Variants in CPNE4 observed in about 807,000 individuals in gnomAD.
CPNE4 encodes copine 4.
In CPNE4, 25 loss-of-function variants were observed where a neutral mutation model predicts 67.9. The observed-to-expected ratio is 0.37, with a 90% CI of 0.27 to 0.51. CPNE4 has a LOEUF of 0.51. CPNE4 is among the 20% of genes least tolerant of loss of function. The pLI, the probability that CPNE4 is intolerant of heterozygous loss-of-function variation, is 0.93. For synonymous variants in CPNE4, 242 were observed against 244.9 expected (o/e 0.99, Z 0.11); for missense variants, 464 against 690.8 (o/e 0.67, Z 3.68).
chr3:132,026,683 T>C (rs1013167173), intron 1 of CPNE4, among the ~76,000 whole-genome samples: 5 of 152,218 alleles, frequency 3.3e-5, no homozygotes, highest in Admixed American at 6.5e-5. Flanking sequence ...AAATGCATAT[T>C]ATCTGAAATA....
At chr3:131,820,081 A>G (rs1362240758) in intron 2 of CPNE4, among the ~76,000 whole-genome samples, 1 of 152,212 alleles carries the variant, frequency 6.6e-6, no homozygotes, top group East Asian at 1.9e-4. Context: ...TGGGAAAAAT[A>G]TTAGGTCTAT....
At chr3:132,033,738 C>T (rs749443000) in intron 1 of CPNE4, among the ~76,000 whole-genome samples, 26 of 152,232 alleles carry the variant, frequency 1.7e-4, no homozygotes, top group South Asian at 1.4e-3. Flanking sequence ...CATTTTTCAT[C>T]AGGGTTTAGC....
chr3:131,917,721 C>T (rs2070606633), intron 1 of CPNE4, among the ~76,000 whole-genome samples: 2 of 152,130 alleles, frequency 1.3e-5, no homozygotes, highest in Admixed American at 6.5e-5. Context: ...TCCACTAGCA[C>T]AGAGAAACTT....
At chr3:131,953,633 A>C (rs2071847384) in intron 1 of CPNE4, among the ~76,000 whole-genome samples, 1 of 152,202 alleles carries the variant, frequency 6.6e-6, no homozygotes. Context: ...TCATTATGTT[A>C]AGTGAAATAA....
intron 2 of CPNE4, among the ~76,000 whole-genome samples, chr3:131,884,788 CCT>C (rs1162920247): frequency 2.6e-5 from 4 of 152,142 alleles, no homozygotes; most frequent in Non-Finnish European, 5.9e-5. Context: ...ATATTCCTTT[CCT>C]CTCTTTGCCT....
At chr3:131,929,679 C>T (rs1244409028) in intron 1 of CPNE4, among the ~76,000 whole-genome samples, 1 of 152,114 alleles carries the variant, frequency 6.6e-6, no homozygotes, top group African/African-American at 2.4e-5. Flanking sequence ...TATCAAAATT[C>T]ACCCCCTTCT....
chr3:131,845,626 T>C (rs914078090), intron 2 of CPNE4, among the ~76,000 whole-genome samples: 2 of 152,162 alleles, frequency 1.3e-5, no homozygotes, highest in African/African-American at 2.4e-5. Context: ...AGTTCAAATA[T>C]GTCTAAGGGT....
chr3:131,581,817 G>C lies in CPNE4; in HGVS notation c.781-152C>G, dbSNP rs971036041. ...ACTCTTGCATCTAGAGGAGCAATAG[G>C]GGGAGTGGTTGAGAGTGATACTCAC... On this transcript the variant is annotated intron_variant, in intron 8 of 15. Coordinates refer to ENST00000429747, the MANE Select transcript of CPNE4 (RefSeq NM_130808.3). 4 of 627,512 alleles carry C rather than the reference G, an allele frequency of 6.4e-6. No homozygotes were observed. The South Asian group carries it at 7.6e-5, about 12-fold the overall frequency. 38.9% of individuals were successfully genotyped at this position (627,512 alleles called of 1,614,324 possible).
chr3:131,807,963 A>G (rs907373713), intron 2 of CPNE4, among the ~76,000 whole-genome samples: 14 of 152,190 alleles, frequency 9.2e-5, no homozygotes, highest in Admixed American at 4.6e-4. Context: ...GGAAGGAGGC[A>G]TTGAGAAAAA....
chr3:131,632,687 C>G (rs2079261543), intron 7 of CPNE4, among the ~76,000 whole-genome samples: 1 of 152,144 alleles, frequency 6.6e-6, no homozygotes, highest in Non-Finnish European at 1.5e-5. Flanking sequence ...CTGATAGATA[C>G]TTCTCATCTC....
rs147059039 is a variant in CPNE4, at chr3:131,968,882, A to T, written c.-1-63438T>A. 4.5e-3 allele frequency among the ~76,000 whole-genome samples: 682 copies of T among 152,346 alleles called. 4 individuals carry two copies. Among genetic ancestry groups the T allele is most frequent in the African/African-American group, 0.015 (636 of 41,568 alleles). On this transcript the variant is annotated intron_variant, in intron 1 of 15. Coordinates refer to ENST00000429747, the MANE Select transcript of CPNE4 (RefSeq NM_130808.3). ...GTATATACCCAAAGGATTATAAATC[A>T]TTCCACTATAAAGAACATGCACACA... is the stretch of plus-strand genomic sequence containing the variant.
At chr3:131,713,052 T>C (rs1203339594) in intron 3 of CPNE4, among the ~76,000 whole-genome samples, 1 of 151,842 alleles carries the variant, frequency 6.6e-6, no homozygotes, top group African/African-American at 2.4e-5. Context: ...GGCACACTGA[T>C]AGGGTGGTCT....
intron 10 of CPNE4, among the ~76,000 whole-genome samples, chr3:131,568,702 C>G (rs1937183136): frequency 6.6e-6 from 1 of 151,946 alleles, no homozygotes; most frequent in Non-Finnish European, 1.5e-5. Context: ...ACACCAAGTC[C>G]CCAGTGTGTG....
At position 131,619,522 on chromosome 3, in the gene CPNE4, G is replaced by T. The variant is rs747452579; in HGVS notation, c.682-31940C>A. 2.0e-5 allele frequency among the ~76,000 whole-genome samples: 3 copies of T among 152,136 alleles called. No individual in the cohort carries two copies. In the South Asian group the frequency reaches 6.2e-4, roughly 31 times the overall value. ...TTTGTGTGCGGTGAAATGCACACAC[G>T]ATTCCATTCAACTCTCCAACCAATG... is the stretch of plus-strand genomic sequence containing the variant. On this transcript the variant is annotated intron_variant, in intron 7 of 15. Transcript: ENST00000429747.
At chr3:131,741,680 T>C (rs901481597) in intron 2 of CPNE4, among the ~76,000 whole-genome samples, 3 of 152,170 alleles carry the variant, frequency 2.0e-5, no homozygotes, top group African/African-American at 7.2e-5. Flanking sequence ...GAGGAAGATT[T>C]GCCTGACTAT....
chr3:131,940,743 G>A (rs1444787361), intron 1 of CPNE4, among the ~76,000 whole-genome samples: 1 of 152,068 alleles, frequency 6.6e-6, no homozygotes, highest in Non-Finnish European at 1.5e-5. Context: ...GAATAAAAAA[G>A]GGGGCAGTGA....
chr3:131,668,463 T>C (rs1582991000), intron 7 of CPNE4, among the ~76,000 whole-genome samples: 1 of 152,294 alleles, frequency 6.6e-6, no homozygotes, highest in East Asian at 1.9e-4. Flanking sequence ...ACTCCTGGTT[T>C]TCAGAGTCTG....
At chr3:131,804,241 G>A (rs73875022) in intron 2 of CPNE4, among the ~76,000 whole-genome samples, 6,707 of 151,822 alleles carry the variant, frequency 0.044, 508 homozygotes, top group African/African-American at 0.15. Flanking sequence ...ATATCTCGGT[G>A]GAACTCAGTT....
In CPNE4 at chr3:131,694,112, T is replaced by C. The variant is rs535706624; in HGVS notation, c.507+2430A>G. Among the ~76,000 whole-genome samples, 7 of 152,310 alleles carry C rather than the reference T, an allele frequency of 4.6e-5. No individual in the cohort carries two copies. The South Asian group carries it at 1.5e-3, about 32-fold the overall frequency. On this transcript the variant is annotated intron_variant, in intron 5 of 15. Transcript: ENST00000429747. The stretch of plus-strand genomic sequence containing the variant: ...TCCTACAACCACCGTCTGAATTGGA[T>C]ATAGCATATTTTTCCTACATATTCA...
Sources: gnomAD v4.1 joint callset for allele counts (sites outside exome capture counted in the v4.1 genomes callset) on GRCh38, gnomAD v4.1.1 for gene constraint, MANE v1.5 for transcripts, NCBI Gene and HGNC (gene_info 2026-07-23, HGNC 2026-07-21) for gene names.